Variants in TBC1D1 observed in about 807,000 individuals in gnomAD.
The protein encoded by TBC1D1 is TBC1 (tre-2/USP6, BUB2, cdc16) domain family, member 1.
TBC1D1 carries 89 observed loss-of-function variants against 125.6 expected under a neutral mutation model. The observed-to-expected ratio is 0.71, with a 90% confidence interval of 0.60 to 0.85. The LOEUF (loss-of-function observed/expected upper bound fraction) is 0.85, where lower values mean the gene tolerates loss of function less well. Among genes scored for constraint, TBC1D1 ranks in the 40% least tolerant of loss-of-function variants. TBC1D1 has a pLI of 0.00. For synonymous variants in TBC1D1, 565 were observed against 564.1 expected (o/e 1.00, Z -0.02); for missense variants, 1,377 against 1,469.2 (o/e 0.94, Z 1.03).
At chr4:37,999,081 T>C (rs1458618578) in intron 2 of TBC1D1, among the ~76,000 whole-genome samples, 1 of 152,050 alleles carries the variant, frequency 6.6e-6, no homozygotes, top group African/African-American at 2.4e-5. Flanking sequence ...AACCCCTGTT[T>C]CCACTAAAAA....
intron 12 of TBC1D1, among the ~76,000 whole-genome samples, chr4:38,075,572 C>G (rs1043539511): frequency 1.3e-5 from 2 of 152,204 alleles, no homozygotes; most frequent in African/African-American, 2.4e-5. Context: ...CCCATCCCCT[C>G]TCCTCCGCAA....
chr4:37,910,171 G>T (rs1718287951), intron 2 of TBC1D1, among the ~76,000 whole-genome samples: 1 of 152,116 alleles, frequency 6.6e-6, no homozygotes, highest in African/African-American at 2.4e-5. Flanking sequence ...AAGGCTTTGA[G>T]TTTGATAATT....
At chr4:38,075,337 C>T (rs1755403824) in intron 12 of TBC1D1, among the ~76,000 whole-genome samples, 1 of 152,150 alleles carries the variant, frequency 6.6e-6, no homozygotes, top group Non-Finnish European at 1.5e-5. Flanking sequence ...AAACTTAACA[C>T]AAACCCGAGT....
intron 2 of TBC1D1, among the ~76,000 whole-genome samples, chr4:37,958,189 G>A (rs1199870699): frequency 6.6e-6 from 1 of 151,850 alleles, no homozygotes; most frequent in Non-Finnish European, 1.5e-5. Context: ...AAGTTGTCTA[G>A]GAAAAAAGTA....
At chr4:37,898,699 T>C (rs1477914694) in intron 1 of TBC1D1, among the ~76,000 whole-genome samples, 1 of 152,086 alleles carries the variant, frequency 6.6e-6, no homozygotes, top group Non-Finnish European at 1.5e-5. Context: ...CCCTGAGTAA[T>C]AAATTGTCCT....
chr4:37,972,845 T>C (rs1732319429), intron 2 of TBC1D1, among the ~76,000 whole-genome samples: 1 of 145,270 alleles, frequency 6.9e-6, no homozygotes, highest in South Asian at 2.1e-4. Flanking sequence ...GAGGTTGCAG[T>C]GAGCTGAGAT....
intron 2 of TBC1D1, among the ~76,000 whole-genome samples, chr4:37,965,903 T>C (rs972424321): frequency 6.6e-6 from 1 of 152,036 alleles, no homozygotes; most frequent in African/African-American, 2.4e-5. Flanking sequence ...GGTGCCACCA[T>C]GCCCAGCTAA....
At chr4:38,137,068 G>C in intron 19 of TBC1D1, 67 bp from the exon 22 acceptor site, 1 of 1,607,114 alleles carries the variant, frequency 6.2e-7, no homozygotes, top group Non-Finnish European at 8.5e-7. Flanking sequence ...TGGACAGCGT[G>C]TGGGCACTGG....
At chr4:37,910,288 C>A (rs1029867789) in intron 2 of TBC1D1, among the ~76,000 whole-genome samples, 1 of 152,078 alleles carries the variant, frequency 6.6e-6, no homozygotes, top group Non-Finnish European at 1.5e-5. Flanking sequence ...TCTTTACTGT[C>A]CCGTACAGTA....
intron 2 of TBC1D1, among the ~76,000 whole-genome samples, chr4:37,949,670 G>A (rs938044599): frequency 1.3e-5 from 2 of 152,100 alleles, no homozygotes; most frequent in East Asian, 3.9e-4. Context: ...CCTTCCAGAC[G>A]TTCTACATGA....
intron 14 of TBC1D1, among the ~76,000 whole-genome samples, chr4:38,099,049 A>C (rs960638110): frequency 6.6e-6 from 1 of 152,158 alleles, no homozygotes; most frequent in Non-Finnish European, 1.5e-5. Flanking sequence ...CTTTTTTAGG[A>C]ATGGGATTGC....
intron 2 of TBC1D1, among the ~76,000 whole-genome samples, chr4:37,913,083 G>A (rs948224148): frequency 5.3e-5 from 8 of 152,164 alleles, no homozygotes; most frequent in African/African-American, 1.9e-4. Flanking sequence ...AGTGTAATTA[G>A]GAAGTAGCTT....
At chr4:37,960,242 G>A (rs1203374293) in intron 2 of TBC1D1, among the ~76,000 whole-genome samples, 2 of 152,242 alleles carry the variant, frequency 1.3e-5, no homozygotes, top group Middle Eastern at 3.4e-3. Flanking sequence ...TGGTACTCCC[G>A]AGATTCCTAC....
intron 12 of TBC1D1, among the ~76,000 whole-genome samples, chr4:38,076,712 C>CT (rs985045778): frequency 2.6e-5 from 4 of 151,502 alleles, no homozygotes; most frequent in African/African-American, 7.3e-5. Flanking sequence ...TTATAGGTAA[C>CT]TTTTTTTTTC....
At chr4:38,067,725 A>G (rs1344218628) in intron 12 of TBC1D1, among the ~76,000 whole-genome samples, 2 of 152,132 alleles carry the variant, frequency 1.3e-5, no homozygotes, top group Non-Finnish European at 2.9e-5. Context: ...TGTTTCCCTA[A>G]CACCGAAGGC....
intron 17 of TBC1D1, chr4:38,120,235 C>A: frequency 3.7e-6 from 2 of 544,492 alleles, no homozygotes; most frequent in Non-Finnish European, 4.7e-6. Context: ...CTAAGTGGGT[C>A]GTTGTCCAGC....
chr4:37,951,477 A>G (rs962662866), intron 2 of TBC1D1, among the ~76,000 whole-genome samples: 3 of 152,208 alleles, frequency 2.0e-5, no homozygotes, highest in Non-Finnish European at 4.4e-5. Flanking sequence ...ACTGCATTAT[A>G]AGAAGGAAGG....
At chr4:38,047,710 G>A (rs1156709636) in intron 10 of TBC1D1, among the ~76,000 whole-genome samples, 1 of 152,144 alleles carries the variant, frequency 6.6e-6, no homozygotes, top group African/African-American at 2.4e-5. Flanking sequence ...TAACTTCAGT[G>A]TCAGAAGAGC....
At chr4:37,965,745 T>C (rs1002671564) in intron 2 of TBC1D1, among the ~76,000 whole-genome samples, 2 of 151,964 alleles carry the variant, frequency 1.3e-5, no homozygotes, top group African/African-American at 2.4e-5. Flanking sequence ...TATTTATTTA[T>C]TTATTTATTT....
Sources: gnomAD v4.1 joint callset for allele counts (sites outside exome capture counted in the v4.1 genomes callset) on GRCh38, gnomAD v4.1.1 for gene constraint, MANE v1.5 for transcripts, NCBI Gene and HGNC (gene_info 2026-07-23, HGNC 2026-07-21) for gene names.